GLIS3: variants seen among roughly 807,000 people sequenced by gnomAD.
GLIS3 encodes GLIS family zinc finger 3, also known as zinc finger protein GLIS3.
A neutral mutation model predicts 78.6 loss-of-function variants in GLIS3; 53 were observed. The ratio of observed to expected loss-of-function variants is 0.67; its 90% CI spans 0.54 to 0.85. The LOEUF is 0.85. Among genes scored for constraint, GLIS3 ranks in the 40% least tolerant of loss-of-function variants. GLIS3 has a pLI of 0.00. For missense variants in GLIS3, 1,703 were observed against 1,231.1 expected, an observed-to-expected ratio of 1.38 and a Z score of -5.74; for synonymous variants, 684 against 509.9, an observed-to-expected ratio of 1.34 and a Z score of -4.60.
chr9:4,004,035 C>T (rs1821338920), intron 4 of GLIS3, among the ~76,000 whole-genome samples: 2 of 152,200 alleles, frequency 1.3e-5, no homozygotes, highest in African/African-American at 4.8e-5. Context: ...CAACTACTTA[C>T]TCCATGTCAG....
chr9:4,093,287 G>C lies in GLIS3; in HGVS notation c.1710+24481C>G, dbSNP rs368058028. On this transcript the variant is annotated intron_variant, in intron 4 of 10. Transcript: ENST00000381971. ...AAAAAAAAAAAAAAGTTAATATAAT[G>C]AATGAATGTTCCTGCTGGAAAAATA... 1.6e-4 allele frequency among the ~76,000 whole-genome samples: 24 copies of C among 151,624 alleles called. No individual in the cohort carries two copies. In the East Asian group the frequency reaches 3.7e-3, roughly 23 times the overall value.
In GLIS3 at chr9:4,119,643, T is replaced by C. The variant is rs74535763; in HGVS notation, c.597-762A>G. Among the ~76,000 whole-genome samples, 4 of 152,332 alleles carry C rather than the reference T, an allele frequency of 2.6e-5. No individual in the cohort carries two copies. In the East Asian group the frequency reaches 7.7e-4, roughly 29 times the overall value. ...TCACACTTGCTAGTTGGGTTTTCTGTGAACTCTCGTCCTTAAATCCAAGCA... is the reference window on the plus strand; with the variant it reads ...TCACACTTGCTAGTTGGGTTTTCTGCGAACTCTCGTCCTTAAATCCAAGCA... On this transcript the variant is annotated intron_variant, in intron 3 of 10. Coordinates refer to ENST00000381971, the MANE Select transcript of GLIS3 (RefSeq NM_001042413.2).
intron 4 of GLIS3, chr9:4,054,540 C>G (rs1825981876): frequency 3.1e-6 from 3 of 971,354 alleles, no homozygotes; most frequent in South Asian, 9.5e-5. Context: ...AAACACAGAT[C>G]TGATCAGTGC....
chr9:3,854,718 G>A (rs1268081865), intron 9 of GLIS3, among the ~76,000 whole-genome samples: 1 of 131,992 alleles, frequency 7.6e-6, no homozygotes, highest in African/African-American at 2.8e-5. Context: ...TTTTTTTTTT[G>A]TATTTTTAGT....
At chr9:3,854,980 C>T (rs1397791038) in intron 9 of GLIS3, among the ~76,000 whole-genome samples, 1 of 152,188 alleles carries the variant, frequency 6.6e-6, no homozygotes, top group Non-Finnish European at 1.5e-5. Context: ...TCAAGTATAA[C>T]TCATACAGAG....
chr9:4,362,719 G>A, the GLIS3 span, among the ~76,000 whole-genome samples: 2,363 of 152,258 alleles, frequency 0.016, 73 homozygotes, highest in African/African-American at 0.054. Context: ...GAGGATGCAT[G>A]GAAAAGCACA....
the GLIS3 span, among the ~76,000 whole-genome samples, chr9:4,415,763 CA>C: frequency 6.6e-6 from 1 of 151,692 alleles, no homozygotes; most frequent in Non-Finnish European, 1.5e-5. Context: ...CAAAAAATCA[CA>C]GATCATATAC....
At chr9:4,166,532 C>A (rs1046118755) in intron 2 of GLIS3, among the ~76,000 whole-genome samples, 2 of 152,224 alleles carry the variant, frequency 1.3e-5, no homozygotes, top group Non-Finnish European at 2.9e-5. Context: ...GAGAACTGCA[C>A]TAATGATATA....
intron 2 of GLIS3, among the ~76,000 whole-genome samples, chr9:4,326,542 G>A (rs1471118399): frequency 6.9e-6 from 1 of 145,626 alleles, no homozygotes; most frequent in East Asian, 2.0e-4. Flanking sequence ...CCAGGGGGAG[G>A]GAGGAATGGG....
intron 2 of GLIS3, among the ~76,000 whole-genome samples, chr9:4,220,954 C>T (rs1821281352): frequency 6.6e-6 from 1 of 152,074 alleles, no homozygotes; most frequent in East Asian, 1.9e-4. Flanking sequence ...CACTGCACTC[C>T]AGCCTGGGTT....
intron 2 of GLIS3, among the ~76,000 whole-genome samples, chr9:4,201,456 C>T (rs1374037034): frequency 6.6e-6 from 1 of 152,162 alleles, no homozygotes; most frequent in Non-Finnish European, 1.5e-5. Flanking sequence ...ACCAAAGGCT[C>T]CTAGAACTGA....
At chr9:4,366,417 G>T in the GLIS3 span, among the ~76,000 whole-genome samples, 1 of 152,130 alleles carries the variant, frequency 6.6e-6, no homozygotes. Flanking sequence ...GGGATGGGAG[G>T]AAAGGAGGCC....
intron 2 of GLIS3, among the ~76,000 whole-genome samples, chr9:4,339,356 G>T (rs770984536): frequency 1.3e-5 from 2 of 152,186 alleles, no homozygotes; most frequent in African/African-American, 4.8e-5. Context: ...GATGAATTGT[G>T]TTCATGAAAT....
the GLIS3 span, among the ~76,000 whole-genome samples, chr9:4,401,805 A>G: frequency 6.6e-6 from 1 of 151,826 alleles, no homozygotes; most frequent in Non-Finnish European, 1.5e-5. Flanking sequence ...CATGTTGCCC[A>G]GGCTGGTGGC....
intron 4 of GLIS3, among the ~76,000 whole-genome samples, chr9:4,068,029 G>GA (rs1470309617): frequency 6.6e-6 from 1 of 152,002 alleles, no homozygotes; most frequent in African/African-American, 2.4e-5. Flanking sequence ...TATCTTTCCT[G>GA]AAAAAATCCT....
chr9:4,103,726 G>C (rs1199122271), intron 4 of GLIS3, among the ~76,000 whole-genome samples: 1 of 152,136 alleles, frequency 6.6e-6, no homozygotes, highest in African/African-American at 2.4e-5. Flanking sequence ...AATTTTAAGA[G>C]CATAAGACCA....
chr9:3,824,767 T>C lies in GLIS3; in HGVS notation c.*3505A>G, dbSNP rs1242310640. ...ATATAACTATGTACAAGAGTCTGTGTGATTTATGGAAAACAGATTTCCACT... is the reference window on the plus strand; with the variant it reads ...ATATAACTATGTACAAGAGTCTGTGCGATTTATGGAAAACAGATTTCCACT... On this transcript the variant is annotated 3_prime_UTR_variant, in exon 11 of 11. Transcript: ENST00000381971. 1.3e-5 allele frequency: 2 copies of C among 152,594 alleles called. No homozygotes were observed. Among genetic ancestry groups the C allele is most frequent in the Non-Finnish European group, 2.9e-5 (2 of 68,038 alleles). The allele number at this position is 152,594 out of a possible 1,614,324, so 9.5% of individuals were successfully genotyped here. A position where few individuals can be genotyped will look rare whatever the true frequency, so the allele number is the denominator to read the frequency against.
At chr9:3,896,289 T>A (rs550590595) in intron 7 of GLIS3, among the ~76,000 whole-genome samples, 7 of 152,298 alleles carry the variant, frequency 4.6e-5, no homozygotes, top group African/African-American at 1.7e-4. Flanking sequence ...TGTTGCCTAC[T>A]CTGCAAAACA....
the GLIS3 span, among the ~76,000 whole-genome samples, chr9:4,423,383 C>T: frequency 2.0e-5 from 3 of 152,092 alleles, no homozygotes; most frequent in Admixed American, 6.6e-5. Flanking sequence ...CACAAGAGTT[C>T]TACTCAACCC....
Sources: gnomAD v4.1 joint callset for allele counts (sites outside exome capture counted in the v4.1 genomes callset) on GRCh38, gnomAD v4.1.1 for gene constraint, MANE v1.5 for transcripts, NCBI Gene and HGNC (gene_info 2026-07-23, HGNC 2026-07-21) for gene names.